Variants in CADPS2 observed in about 807,000 individuals in gnomAD.
CADPS2 encodes calcium dependent secretion activator 2, also known as calcium-dependent secretion activator 2.
Under a neutral mutation model 172.5 loss-of-function variants are expected in CADPS2, and 93 were observed. The ratio of observed to expected loss-of-function variants is 0.54; its 90% CI spans 0.46 to 0.64. CADPS2 has a LOEUF of 0.64. Ranked by LOEUF, CADPS2 falls within the 30% of genes least tolerant of loss-of-function variation. The pLI, the probability that CADPS2 is intolerant of heterozygous loss-of-function variation, is 0.00. For synonymous variants in CADPS2, 546 were observed against 555.2 expected (o/e 0.98, Z 0.23); for missense variants, 1,420 against 1,565.9 (o/e 0.91, Z 1.57).
chr7:122,566,814 A>G (rs1399104747), intron 7 of CADPS2, among the ~76,000 whole-genome samples: 1 of 152,206 alleles, frequency 6.6e-6, no homozygotes. Context: ...AACTTTGCAT[A>G]GGAGAAATGA....
At chr7:122,570,968 G>A (rs993004855) in intron 7 of CADPS2, among the ~76,000 whole-genome samples, 5 of 151,906 alleles carry the variant, frequency 3.3e-5, no homozygotes, top group Admixed American at 6.6e-5. Flanking sequence ...CACCAGCATG[G>A]CACATGTATA....
At chr7:122,435,137 C>T (rs1165088914) in intron 17 of CADPS2, among the ~76,000 whole-genome samples, 1 of 151,864 alleles carries the variant, frequency 6.6e-6, no homozygotes, top group African/African-American at 2.4e-5. Context: ...TAATAGAAGC[C>T]CTGAGAAAAA....
intron 8 of CADPS2, among the ~76,000 whole-genome samples, chr7:122,552,775 G>GTTTTTTTTTTTT (rs61517518): frequency 3.6e-5 from 5 of 137,096 alleles, no homozygotes; most frequent in Non-Finnish European, 6.3e-5. Flanking sequence ...ATAGGTTCCT[G>GTTTTTTTTTTTT]TTTTTTTTTT....
At chr7:122,870,297 A>C (rs1479473999) in intron 1 of CADPS2, among the ~76,000 whole-genome samples, 1 of 152,088 alleles carries the variant, frequency 6.6e-6, no homozygotes, top group Non-Finnish European at 1.5e-5. Flanking sequence ...CTAAGAGTGC[A>C]GGGGTAGCTA....
chr7:122,720,146 C>T (rs928804018), intron 2 of CADPS2, among the ~76,000 whole-genome samples: 1 of 151,942 alleles, frequency 6.6e-6, no homozygotes, highest in East Asian at 1.9e-4. Context: ...GAACGTCATA[C>T]TAAAAGTGTC....
At chr7:122,757,077 G>A (rs577070264) in intron 1 of CADPS2, among the ~76,000 whole-genome samples, 1 of 127,168 alleles carries the variant, frequency 7.9e-6, no homozygotes, top group Non-Finnish European at 1.6e-5. Flanking sequence ...CAAAGGTGGG[G>A]AAGCTCTGAA....
chr7:122,749,894 A>T (rs907559157), intron 1 of CADPS2, among the ~76,000 whole-genome samples: 4 of 151,680 alleles, frequency 2.6e-5, no homozygotes, highest in African/African-American at 9.7e-5. Flanking sequence ...AGCAATTCTG[A>T]TTATACATAC....
rs560205270 is a variant in CADPS2, at chr7:122,474,475, G to A, written c.1904C>T (p.Ser635Phe). 2.2e-5 allele frequency: 36 copies of A among 1,613,274 alleles called. No homozygotes were observed. The African/African-American group carries it at 4.4e-4, about 20-fold the overall frequency. ...FQKHGMDEFI[S>F]ANPCKLDHAF... is the part of the protein sequence containing the mutation. ...ATGATCAAGCTTGCAGGGGTTTGCA[G>A]AAATAAACTCATCCATACCATGTTT... Residue 635 changes from serine (S) to phenylalanine (F), a missense_variant, in exon 13 of 30, where the codon TCT (serine) becomes TTT (phenylalanine). Coordinates refer to ENST00000449022, the MANE Select transcript of CADPS2 (RefSeq NM_017954.11).
chr7:122,405,624 C>A (rs2151640557), intron 20 of CADPS2, among the ~76,000 whole-genome samples: 1 of 152,250 alleles, frequency 6.6e-6, no homozygotes, highest in East Asian at 1.9e-4. Context: ...AGTGTCACTG[C>A]ACTCCAGCCT....
At chr7:122,853,319 T>G (rs1814220269) in intron 1 of CADPS2, among the ~76,000 whole-genome samples, 1 of 152,198 alleles carries the variant, frequency 6.6e-6, no homozygotes, top group South Asian at 2.1e-4. Flanking sequence ...TCCAGCCCCC[T>G]GTGGGGTACA....
intron 3 of CADPS2, among the ~76,000 whole-genome samples, chr7:122,645,252 C>CGT (rs1461365574): frequency 3.4e-5 from 4 of 116,392 alleles, no homozygotes; most frequent in Admixed American, 2.7e-4. Context: ...CACACATGTA[C>CGT]ATGTGTGTAT....
At chr7:122,670,191 A>AT (rs1195122978) in intron 2 of CADPS2, among the ~76,000 whole-genome samples, 1 of 148,434 alleles carries the variant, frequency 6.7e-6, no homozygotes, top group Non-Finnish European at 1.5e-5. Context: ...TATATATATA[A>AT]ACACTGATCA....
intron 28 of CADPS2, among the ~76,000 whole-genome samples, chr7:122,332,394 CT>C (rs35258384): frequency 0.19 from 25,504 of 137,132 alleles, 2,284 homozygotes; most frequent in African/African-American, 0.27. Context: ...TCTTCATCAT[CT>C]TTTTTTTTTT....
chr7:122,720,230 T>C (rs1449740383), intron 2 of CADPS2, among the ~76,000 whole-genome samples: 2 of 151,926 alleles, frequency 1.3e-5, no homozygotes, highest in Non-Finnish European at 2.9e-5. Context: ...AAAACCACAA[T>C]ACCATTTAAT....
intron 1 of CADPS2, among the ~76,000 whole-genome samples, chr7:122,781,127 A>G (rs746878823): frequency 1.1e-4 from 16 of 152,218 alleles, no homozygotes; most frequent in Admixed American, 2.0e-4. Context: ...GATGGACAGA[A>G]AGTAACCTTT....
Position 122,632,639 on chromosome 7 carries a change from G to A in CADPS2, c.787-3311C>T, listed in dbSNP as rs140441168. Among the ~76,000 whole-genome samples, 408 of 152,236 alleles carry A rather than the reference G, an allele frequency of 2.7e-3. 1 individual carries two copies. The highest frequency in any genetic ancestry group is 8.8e-3 in the African/African-American group (365 of 41,548). On this transcript the variant is annotated intron_variant, in intron 3 of 29. Transcript: ENST00000449022. ...GTTTGCAAATATTTTCTCCCATTCT[G>A]TAGGCTGTTGGTTGACTCTGTTGGT...
Position 122,451,478 on chromosome 7 carries a change from G to GAA in CADPS2, c.2187-5_2187-4dup. The GAA allele has an allele frequency of 5.5e-6, 8 of 1,459,344 alleles. No homozygotes were observed. The highest frequency in any genetic ancestry group is 2.1e-5 in the Admixed American group (1 of 47,978). The allele number at this position is 1,459,344 out of a possible 1,614,324, so 90.4% of individuals were successfully genotyped here. ...AAACAGTCCCAATTCCATCAGGCCT[G>GAA]AAAAAAAAATCAGAATCAATAATTC... On this transcript the variant is annotated splice_polypyrimidine_tract_variant and splice_region_variant and intron_variant, in intron 14 of 29. Coordinates refer to ENST00000449022, the MANE Select transcript of CADPS2 (RefSeq NM_017954.11).
intron 2 of CADPS2, among the ~76,000 whole-genome samples, chr7:122,679,838 A>G (rs2082833910): frequency 6.6e-6 from 1 of 152,236 alleles, no homozygotes; most frequent in African/African-American, 2.4e-5. Flanking sequence ...AGCAGAACTC[A>G]GGCCCCTCTC....
intron 27 of CADPS2, chr7:122,357,446 T>G (rs556776463): frequency 8.5e-5 from 13 of 152,308 alleles, no homozygotes; most frequent in African/African-American, 3.1e-4. Flanking sequence ...AGAATTATTT[T>G]ATTATAGTTT....
Sources: gnomAD v4.1 joint callset for allele counts (sites outside exome capture counted in the v4.1 genomes callset) on GRCh38, gnomAD v4.1.1 for gene constraint, MANE v1.5 for transcripts, NCBI Gene and HGNC (gene_info 2026-07-23, HGNC 2026-07-21) for gene names.